The following TTC29 variants were observed in gnomAD, a reference collection of about 807,000 sequenced individuals.
TTC29 encodes the protein tetratricopeptide repeat domain 29.
Under a neutral mutation model 58.1 loss-of-function variants are expected in TTC29, and 49 were observed. That is an observed-to-expected ratio of 0.84 (90% CI 0.67 to 1.07). The LOEUF is 1.07. TTC29 is among the 50% of genes least tolerant of loss of function. The pLI, the probability that TTC29 is intolerant of heterozygous loss-of-function variation, is 0.00. For missense variants in TTC29, 582 were observed against 555.6 expected (o/e 1.05, Z -0.48); for synonymous variants, 209 against 196.8 (o/e 1.06, Z -0.52).
chr4:146,709,015 T>C (rs1742289747), intron 11 of TTC29, among the ~76,000 whole-genome samples: 1 of 152,154 alleles, frequency 6.6e-6, no homozygotes, highest in African/African-American at 2.4e-5. Flanking sequence ...CATTAGATTA[T>C]ACAGTCAACC....
At chr4:146,724,268 G>A (rs1363221685) in intron 11 of TTC29, among the ~76,000 whole-genome samples, 1 of 152,000 alleles carries the variant, frequency 6.6e-6, no homozygotes, top group East Asian at 1.9e-4. Flanking sequence ...CTAGCTGTTG[G>A]GTGCTATGCT....
At chr4:146,819,598 C>G (rs1400034854) in intron 10 of TTC29, among the ~76,000 whole-genome samples, 1 of 152,100 alleles carries the variant, frequency 6.6e-6, no homozygotes, top group Non-Finnish European at 1.5e-5. Context: ...TTATTTTGGA[C>G]TTTTTTGTTC....
chr4:146,849,101 C>T (rs1443076203), intron 8 of TTC29, among the ~76,000 whole-genome samples: 3 of 152,130 alleles, frequency 2.0e-5, no homozygotes, highest in African/African-American at 7.2e-5. Flanking sequence ...CACCCTTGAG[C>T]CCCAGTCCCT....
At chr4:146,798,148 T>C (rs1039147549) in intron 11 of TTC29, among the ~76,000 whole-genome samples, 5 of 152,024 alleles carry the variant, frequency 3.3e-5, no homozygotes, top group Non-Finnish European at 7.4e-5. Flanking sequence ...ATATGGACTA[T>C]AGGATATAGG....
intron 7 of TTC29, among the ~76,000 whole-genome samples, chr4:146,874,252 A>G (rs1731111792): frequency 6.6e-6 from 1 of 152,118 alleles, no homozygotes; most frequent in South Asian, 2.1e-4. Context: ...ACATTTTGAG[A>G]GGCAAAAAGG....
At position 146,809,435 on chromosome 4, in the gene TTC29, T is replaced by A. The variant is rs576574914; in HGVS notation, c.1102-5750A>T. The stretch of plus-strand genomic sequence containing the variant: ...TTCTGCACAGTAAAATAAACTATCA[T>A]CAGAGTGAACAGACAACCTACAGAA... On this transcript the variant is annotated intron_variant, in intron 10 of 12. Transcript: ENST00000325106. Among the ~76,000 whole-genome samples the A allele has an allele frequency of 8.0e-5, 12 of 149,736 alleles. 1 individual carries two copies. The highest frequency in any genetic ancestry group is 1.6e-4 in the Non-Finnish European group (11 of 67,624).
chr4:146,715,029 G>C (rs1419193438), intron 11 of TTC29, among the ~76,000 whole-genome samples: 1 of 151,892 alleles, frequency 6.6e-6, no homozygotes, highest in Non-Finnish European at 1.5e-5. Context: ...GTAGAGATGG[G>C]ATCTTGTTTC....
At chr4:146,864,426 T>C (rs12507364) in intron 8 of TTC29, among the ~76,000 whole-genome samples, 18,925 of 152,232 alleles carry the variant, frequency 0.12, 1,463 homozygotes, top group East Asian at 0.2. Flanking sequence ...TAATAATTAT[T>C]GAAGGTTTAT....
intron 11 of TTC29, among the ~76,000 whole-genome samples, chr4:146,761,670 T>G (rs1272061976): frequency 3.4e-5 from 2 of 58,516 alleles, no homozygotes; most frequent in Non-Finnish European, 3.5e-5. Flanking sequence ...AACAGAGTAG[T>G]TTTTTTTTTT....
intron 8 of TTC29, among the ~76,000 whole-genome samples, chr4:146,844,951 G>A (rs1579813780): frequency 6.6e-6 from 1 of 152,166 alleles, no homozygotes; most frequent in East Asian, 1.9e-4. Flanking sequence ...ACTGACTCGT[G>A]TCAGCAGAGT....
chr4:146,945,234 C>A (rs1210379761), intron 1 of TTC29, among the ~76,000 whole-genome samples, 157 bp from the exon 2 acceptor site: 5 of 152,058 alleles, frequency 3.3e-5, no homozygotes, highest in African/African-American at 4.8e-5. Flanking sequence ...AAAGAAAATC[C>A]CCAAGTATAG....
chr4:146,818,762 T>G (rs1424298791), intron 10 of TTC29, among the ~76,000 whole-genome samples: 1 of 152,070 alleles, frequency 6.6e-6, no homozygotes, highest in African/African-American at 2.4e-5. Flanking sequence ...CCATAAAAAA[T>G]GAAGAGTTCA....
chr4:146,854,103 T>C lies in TTC29; in HGVS notation c.885+13395A>G, dbSNP rs573440223. Among the ~76,000 whole-genome samples, 3 of 152,246 alleles carry C rather than the reference T, an allele frequency of 2.0e-5. No individual in the cohort carries two copies. The South Asian group carries it at 6.2e-4, about 32-fold the overall frequency. On this transcript the variant is annotated intron_variant, in intron 8 of 12. Coordinates refer to ENST00000325106, the MANE Select transcript of TTC29 (RefSeq NM_031956.4). ...AGAGCGTCCCAGCAGGACTGATCCA[T>C]TTGCCCACAGTAATAACTGGCTTGG...
rs1284615944 is a variant in TTC29 at position 146,728,798 on chromosome 4, TATATACAC to T, written c.1331-21255_1331-21248del. Among the ~76,000 whole-genome samples, 128 of 130,962 alleles carry T rather than the reference TATATACAC, an allele frequency of 9.8e-4. 9 individuals carry two copies. Among genetic ancestry groups the T allele is most frequent in the Admixed American group, 1.8e-3 (24 of 13,038 alleles). 85.9% of individuals were successfully genotyped at this position (130,962 alleles called of 152,430 possible). ...ACATATATATGTGTATATATACGTA[TATATACAC>T]ATATATATGTGTATATATACATATA... On this transcript the variant is annotated intron_variant, in intron 11 of 12. Transcript: ENST00000325106.
At chr4:146,928,160 G>C (rs74669591) in intron 4 of TTC29, among the ~76,000 whole-genome samples, 2,030 of 152,190 alleles carry the variant, frequency 0.013, 21 homozygotes, top group Non-Finnish European at 0.021. Flanking sequence ...TGAGAGATGA[G>C]AGAAAACACA....
chr4:146,724,806 C>G (rs1743652510), intron 11 of TTC29, among the ~76,000 whole-genome samples: 1 of 152,046 alleles, frequency 6.6e-6, no homozygotes, highest in African/African-American at 2.4e-5. Flanking sequence ...TCATGCCTGG[C>G]CATCAGCTTC....
At chr4:146,817,333 T>C (rs1375639716) in intron 10 of TTC29, among the ~76,000 whole-genome samples, 5 of 152,294 alleles carry the variant, frequency 3.3e-5, no homozygotes, top group African/African-American at 1.2e-4. Context: ...CCATTCACAA[T>C]TGCTTCAAAG....
intron 11 of TTC29, among the ~76,000 whole-genome samples, chr4:146,723,245 CAA>C (rs111385837): frequency 1.9e-4 from 26 of 135,330 alleles, no homozygotes; most frequent in African/African-American, 6.4e-4. Context: ...AAAACTCCGT[CAA>C]AAAAAAAAAA....
intron 11 of TTC29, among the ~76,000 whole-genome samples, chr4:146,721,702 A>T (rs1344010711): frequency 6.6e-6 from 1 of 152,146 alleles, no homozygotes; most frequent in Non-Finnish European, 1.5e-5. Flanking sequence ...TATAGTAAAG[A>T]CAAAGCTGTG....
Sources: gnomAD v4.1 joint callset for allele counts (sites outside exome capture counted in the v4.1 genomes callset) on GRCh38, gnomAD v4.1.1 for gene constraint, MANE v1.5 for transcripts, NCBI Gene and HGNC (gene_info 2026-07-23, HGNC 2026-07-21) for gene names.